ASPH: variants seen among roughly 807,000 people sequenced by gnomAD.
The protein encoded by ASPH is aspartyl/asparaginyl beta-hydroxylase.
Under a neutral mutation model 118.4 loss-of-function variants are expected in ASPH, and 100 were observed. That is an observed-to-expected ratio of 0.84 (90% confidence interval 0.72 to 1.00). The LOEUF (loss-of-function observed/expected upper bound fraction) is 1.00, where lower values mean the gene tolerates loss of function less well. Ranked by LOEUF, ASPH falls within the 50% of genes least tolerant of loss-of-function variation. ASPH has a pLI of 0.00. For missense variants in ASPH, 920 were observed against 919.5 expected (o/e 1.00, Z -0.01); for synonymous variants, 315 against 325.6 (o/e 0.97, Z 0.35).
chr8:61,599,309 G>T (rs867082294), intron 14 of ASPH, among the ~76,000 whole-genome samples: 1 of 151,990 alleles, frequency 6.6e-6, no homozygotes, highest in Admixed American at 6.6e-5. Flanking sequence ...ATCACACACC[G>T]GGGCCTGTTG....
rs1805129898 is a variant in ASPH, at chr8:61,502,600, T to C, written c.*759A>G. 1 of 152,178 alleles carries C rather than the reference T, an allele frequency of 6.6e-6. No individual in the cohort carries two copies. Among genetic ancestry groups the C allele is most frequent in the Non-Finnish European group, 1.5e-5 (1 of 68,034 alleles). 9.4% of individuals were successfully genotyped at this position (152,178 alleles called of 1,614,324 possible). On this transcript the variant is annotated 3_prime_UTR_variant, in exon 25 of 25. Transcript: ENST00000379454. ...TGCATCTGGGATTTTTATAACAATA[T>C]AAAATAATTCCATGCTCTTTTTTCG...
intron 3 of ASPH, among the ~76,000 whole-genome samples, chr8:61,674,680 C>T (rs1323060504): frequency 2.0e-5 from 3 of 152,140 alleles, no homozygotes; most frequent in Non-Finnish European, 2.9e-5. Context: ...TACTTTCAGG[C>T]TGTTATTATG....
intron 3 of ASPH, chr8:61,664,469 C>A (rs1818477079): frequency 2.0e-6 from 2 of 984,360 alleles, no homozygotes; most frequent in Non-Finnish European, 2.4e-6. Context: ...CCCCTTTATT[C>A]ATGGCTATGG....
At chr8:61,649,273 G>A (rs1399948414) in intron 5 of ASPH, among the ~76,000 whole-genome samples, 9 of 152,076 alleles carry the variant, frequency 5.9e-5, no homozygotes, top group South Asian at 2.1e-4. Context: ...GAAAACTCTC[G>A]AGTTTTCAAG....
chr8:61,588,370 G>A (rs1052328269), intron 14 of ASPH, among the ~76,000 whole-genome samples: 1 of 152,194 alleles, frequency 6.6e-6, no homozygotes, highest in Non-Finnish European at 1.5e-5. Flanking sequence ...CACTAGTGAT[G>A]CATTTGTAGA....
intron 1 of ASPH, among the ~76,000 whole-genome samples, chr8:61,698,954 GC>G (rs1834591988): frequency 6.6e-6 from 1 of 152,188 alleles, no homozygotes; most frequent in Admixed American, 6.5e-5. Context: ...TCTGGTCTTT[GC>G]CCTTGGTTAC....
chr8:61,640,728 G>A (rs910007599), intron 10 of ASPH, among the ~76,000 whole-genome samples: 2 of 152,312 alleles, frequency 1.3e-5, no homozygotes, highest in East Asian at 1.9e-4. Flanking sequence ...CTGCTCCAGT[G>A]TCCTGTGTTT....
chr8:61,615,796 TA>T (rs1458305686), intron 14 of ASPH, among the ~76,000 whole-genome samples: 4 of 152,322 alleles, frequency 2.6e-5, no homozygotes, highest in African/African-American at 7.2e-5. Flanking sequence ...TATTTTGCCT[TA>T]AAAAAATTTC....
chr8:61,542,150 T>C (rs1413676022), intron 21 of ASPH, among the ~76,000 whole-genome samples: 1 of 152,218 alleles, frequency 6.6e-6, no homozygotes, highest in East Asian at 1.9e-4. Context: ...TGGACCTGAA[T>C]TGGATCACTT....
chr8:61,714,580 C>T lies in ASPH; in HGVS notation c.-209G>A. ...CTGCGCGCGCCCGGCCTCGCGTGTA[C>T]GAACCTGTGACTCCCTCCCGGGGCG... On this transcript the variant is annotated 5_prime_UTR_variant, in exon 1 of 25. Coordinates refer to ENST00000379454, the MANE Select transcript of ASPH (RefSeq NM_004318.4). 2 of 683,654 alleles carry T rather than the reference C, an allele frequency of 2.9e-6. No individual in the cohort carries two copies. Among genetic ancestry groups the T allele is most frequent in the Non-Finnish European group, 4.2e-6 (2 of 480,702 alleles). The allele number at this position is 683,654 out of a possible 1,614,324, so 42.3% of individuals were successfully genotyped here. A position where few individuals can be genotyped will look rare whatever the true frequency, so the allele number is the denominator to read the frequency against.
intron 17 of ASPH, 62 bp from the exon 18 acceptor site, chr8:61,562,942 G>C (rs1321559887): frequency 1.4e-6 from 2 of 1,457,818 alleles, no homozygotes; most frequent in Non-Finnish European, 1.8e-6. Flanking sequence ...CTTTTGTATT[G>C]AGAATGTAAG....
chr8:61,513,203 A>G (rs920647327), intron 24 of ASPH, among the ~76,000 whole-genome samples: 1 of 152,228 alleles, frequency 6.6e-6, no homozygotes, highest in Non-Finnish European at 1.5e-5. Flanking sequence ...GGCTAGCACA[A>G]GGAAACTGAT....
intron 1 of ASPH, among the ~76,000 whole-genome samples, chr8:61,685,600 G>A (rs937097474): frequency 6.6e-6 from 1 of 151,748 alleles, no homozygotes; most frequent in Non-Finnish European, 1.5e-5. Context: ...CTCAAGTCAA[G>A]AATATATTGC....
intron 21 of ASPH, among the ~76,000 whole-genome samples, chr8:61,539,505 G>C (rs1325267604): frequency 6.6e-6 from 1 of 152,064 alleles, no homozygotes; most frequent in Non-Finnish European, 1.5e-5. Context: ...CTCTCGGCTT[G>C]GGGTTATACT....
At chr8:61,536,037 C>CATT (rs34684050) in intron 21 of ASPH, among the ~76,000 whole-genome samples, 1 of 128,438 alleles carries the variant, frequency 7.8e-6, no homozygotes, top group South Asian at 2.5e-4. Context: ...AAACAGGTGA[C>CATT]TTTTTTTTTT....
chr8:61,544,719 A>G (rs1254108337), intron 21 of ASPH, among the ~76,000 whole-genome samples: 2 of 152,224 alleles, frequency 1.3e-5, no homozygotes, highest in South Asian at 2.1e-4. Flanking sequence ...AAGTTTATAG[A>G]AGGTCATACA....
chr8:61,602,275 A>T (rs1320225748), intron 14 of ASPH, among the ~76,000 whole-genome samples: 2 of 151,548 alleles, frequency 1.3e-5, no homozygotes, highest in Non-Finnish European at 2.9e-5. Flanking sequence ...TTTATCTCAG[A>T]AATGTATTAA....
At chr8:61,517,480 T>C (rs1325591732) in intron 24 of ASPH, 48 bp downstream of exon 24, 6 of 1,597,214 alleles carry the variant, frequency 3.8e-6, no homozygotes, top group East Asian at 2.2e-5. Context: ...TGTAACAAAC[T>C]CTCATCCTCT....
At chr8:61,652,611 A>G (rs529643237) in intron 4 of ASPH, among the ~76,000 whole-genome samples, 2 of 152,182 alleles carry the variant, frequency 1.3e-5, no homozygotes, top group Non-Finnish European at 2.9e-5. Flanking sequence ...GGGGAGAGGG[A>G]TTAGATGGCA....
Sources: allele counts gnomAD v4.1 joint callset (sites outside exome capture counted in the v4.1 genomes callset), GRCh38; gene constraint gnomAD v4.1.1; transcripts MANE v1.5; gene names NCBI Gene and HGNC (gene_info 2026-07-23, HGNC 2026-07-21).